The following LRRC53 variants were observed in gnomAD, a reference collection of about 807,000 sequenced individuals.
The protein encoded by LRRC53 is leucine-rich repeat-containing protein 53.
A neutral mutation model predicts 13.6 loss-of-function variants in LRRC53; 25 were observed. The observed-to-expected ratio is 1.83, with a 90% CI of 1.34 to 2.56. The LOEUF is 2.56. Ranked by LOEUF, LRRC53 falls within the 30% of genes most tolerant of loss-of-function variation. LRRC53 has a pLI of 0.00. For synonymous variants in LRRC53, 204 were observed against 109.8 expected, an observed-to-expected ratio of 1.86 and a Z score of -5.37; for missense variants, 527 against 275.8, an observed-to-expected ratio of 1.91 and a Z score of -6.45.
the LRRC53 span, among the ~76,000 whole-genome samples, chr1:74,527,314 A>G: frequency 3.2e-4 from 49 of 152,352 alleles, no homozygotes; most frequent in East Asian, 9.1e-3. Context: ...AAAGATAAAC[A>G]TGAATAAAAT....
chr1:74,485,506 A>G (rs2100276841), intron 1 of LRRC53, among the ~76,000 whole-genome samples: 1 of 152,282 alleles, frequency 6.6e-6, no homozygotes, highest in Non-Finnish European at 1.5e-5. Context: ...GGATTCTAAC[A>G]TGACCTGCAA....
At chr1:74,533,185 C>T in the LRRC53 span, among the ~76,000 whole-genome samples, 3 of 152,276 alleles carry the variant, frequency 2.0e-5, no homozygotes, top group South Asian at 4.1e-4. Context: ...GGGCTAATAT[C>T]CAGAATCTAC....
At chr1:74,489,278 A>G (rs750341131) in intron 1 of LRRC53, 7 of 1,599,866 alleles carry the variant, frequency 4.4e-6, no homozygotes, top group South Asian at 3.4e-5. Context: ...AAATATGTCC[A>G]TAAAAAAGCC....
chr1:74,523,512 T>TA, the LRRC53 span, among the ~76,000 whole-genome samples: 17 of 151,520 alleles, frequency 1.1e-4, no homozygotes, highest in African/African-American at 3.9e-4. Flanking sequence ...GAGACTCACT[T>TA]AAAAAAAAAG....
At chr1:74,519,506 A>T in the LRRC53 span, among the ~76,000 whole-genome samples, 3 of 125,596 alleles carry the variant, frequency 2.4e-5, no homozygotes, top group Non-Finnish European at 4.6e-5. Flanking sequence ...CCAACAGTGT[A>T]AAAGTGTTCC....
the LRRC53 span, among the ~76,000 whole-genome samples, chr1:74,531,215 A>G: frequency 1.3e-5 from 2 of 152,354 alleles, no homozygotes; most frequent in South Asian, 2.1e-4. Context: ...GCACTTGCCC[A>G]TTCTCTGTAA....
chr1:74,495,225 T>C (rs1169462530), intron 1 of LRRC53, among the ~76,000 whole-genome samples: 2 of 152,250 alleles, frequency 1.3e-5, no homozygotes, highest in African/African-American at 4.8e-5. Context: ...GCTGTGAGCG[T>C]GCATTCAAGG....
chr1:74,471,408 G>A lies in LRRC53; in HGVS notation c.2214C>T (p.Leu738=), dbSNP rs1343286233. Residue 738 remains leucine, a synonymous_variant, in exon 5 of 5, where the codon CTC becomes CTT. Transcript: ENST00000294635. ...ACAATACCTGCTTGCATTGCTTTGG[G>A]AGACTTGACAAGGATTTTTCTGGAT... ...RVHPEKSLSS[L]PKQCKQVLLP... 7.5e-6 allele frequency: 3 copies of A among 400,684 alleles called. No homozygotes were observed. The highest frequency in any genetic ancestry group is 8.8e-6 in the Non-Finnish European group (2 of 226,156). The allele number at this position is 400,684 out of a possible 1,614,324, so 24.8% of individuals were successfully genotyped here.
intron 1 of LRRC53, among the ~76,000 whole-genome samples, chr1:74,487,643 A>G (rs1668833251): frequency 6.6e-6 from 1 of 152,188 alleles, no homozygotes; most frequent in Non-Finnish European, 1.5e-5. Flanking sequence ...GTAAAGGGAA[A>G]GTGAGTGACA....
chr1:74,493,744 G>C (rs1159671107), intron 1 of LRRC53, among the ~76,000 whole-genome samples: 1 of 152,140 alleles, frequency 6.6e-6, no homozygotes, highest in Non-Finnish European at 1.5e-5. Context: ...TGTACTACCT[G>C]GGGTATATTC....
Position 74,492,306 on chromosome 1 carries a change from T to C in LRRC53, c.-26-8931A>G, listed in dbSNP as rs201476243. On this transcript the variant is annotated intron_variant, in intron 1 of 4. Coordinates refer to ENST00000294635, the MANE Select transcript of LRRC53 (RefSeq NM_001382280.1). The stretch of plus-strand genomic sequence containing the variant: ...AAGCAAATCTCACAGTAAAGTCTTA[T>C]TTCAGAATCTTATCAAGACAGTCAA... 15 of 1,444,092 alleles carry C rather than the reference T, an allele frequency of 1.0e-5. No individual in the cohort carries two copies. In the African/African-American group the frequency reaches 1.9e-4, roughly 19 times the overall value. The allele number at this position is 1,444,092 out of a possible 1,614,324, so 89.5% of individuals were successfully genotyped here.
rs1376975732 is a variant in LRRC53, at chr1:74,471,723, A to T, written c.1899T>A (p.Tyr633Ter). The change falls in exon 5 of 5, where the codon TAT (tyrosine) becomes TAA (stop). Residue 633 changes from tyrosine (Y) to a stop codon, truncating the protein, a stop_gained. Transcript: ENST00000294635. LOFTEE classifies it low-confidence loss of function (END_TRUNC). ...CATGGAAGATAACCCTCTTTGGGGA[A>T]TATGCTTTCTTGGTTTTTGTTGATA... ...SGLSTKTKKAYSPKRVIFHDP... is the reference protein window; with the variant it reads ...SGLSTKTKKA 1 of 402,816 alleles carries T rather than the reference A, an allele frequency of 2.5e-6. No homozygotes were observed. The highest frequency in any genetic ancestry group is 3.6e-5 in the East Asian group (1 of 28,142). The allele number at this position is 402,816 out of a possible 1,614,324, so 25.0% of individuals were successfully genotyped here.
the LRRC53 span, among the ~76,000 whole-genome samples, chr1:74,527,426 A>G: frequency 1.3e-5 from 2 of 152,242 alleles, no homozygotes; most frequent in African/African-American, 4.8e-5. Context: ...ACAAGATTAG[A>G]TGGAGTGGTA....
Position 74,471,107 on chromosome 1 carries a change from T to C in LRRC53, c.2515A>G (p.Lys839Glu), listed in dbSNP as rs1210810170. 7.5e-6 allele frequency: 3 copies of C among 400,670 alleles called. No homozygotes were observed. The highest frequency in any genetic ancestry group is 1.3e-5 in the Non-Finnish European group (3 of 226,222). 24.8% of individuals were successfully genotyped at this position (400,670 alleles called of 1,614,324 possible). Residue 839 changes from lysine to glutamate, a missense_variant, in exon 5 of 5, where the codon AAA (lysine) becomes GAA (glutamate). Coordinates refer to ENST00000294635, the MANE Select transcript of LRRC53 (RefSeq NM_001382280.1). ...AGHIPDGNTS[K>E]LPQPTPTDAE... ...TCAGTGGGTGTAGGTTGGGGCAATT[T>C]TGATGTGTTTCCATCAGGAATGTGG...
rs76136294 is a variant in LRRC53, at chr1:74,480,525, G to A, written c.532C>T (p.Arg178Trp). ...FISYIGKDAF[R>W]PLPQLQEVDL... ...ACTTCCTGTAGTTGAGGCAGGGGCC[G>A]GAAGGCATCTTTCCCAATGTAGGAA... Residue 178 changes from arginine (R) to tryptophan (W), a missense_variant, in exon 3 of 5, where the codon CGG becomes TGG. Coordinates refer to ENST00000294635, the MANE Select transcript of LRRC53 (RefSeq NM_001382280.1). 1.6e-3 allele frequency: 1,146 copies of A among 717,462 alleles called. 19 individuals are homozygous for A. In the East Asian group the frequency reaches 0.025, roughly 16 times the overall value. 44.4% of individuals were successfully genotyped at this position (717,462 alleles called of 1,614,324 possible).
chr1:74,498,101 A>G (rs1669425911), intron 1 of LRRC53, among the ~76,000 whole-genome samples: 1 of 152,220 alleles, frequency 6.6e-6, no homozygotes, highest in South Asian at 2.1e-4. Flanking sequence ...AATCTCAAAA[A>G]ACAAAAAATT....
intron 1 of LRRC53, among the ~76,000 whole-genome samples, chr1:74,500,461 G>T (rs999614847): frequency 1.3e-5 from 2 of 150,808 alleles, no homozygotes; most frequent in African/African-American, 4.9e-5. Flanking sequence ...AAAATTAGCC[G>T]GGCGTAGTGG....
chr1:74,475,114 GCC>G (rs1553150553), intron 4 of LRRC53, among the ~76,000 whole-genome samples, 179 bp downstream of exon 4: 3 of 72,246 alleles, frequency 4.2e-5, no homozygotes, highest in Non-Finnish European at 8.0e-5. Flanking sequence ...CTCCACCTCA[GCC>G]CACACACACA....
Position 74,469,630 on chromosome 1 carries a change from T to G in LRRC53, c.*248A>C, listed in dbSNP as rs1406881332. 5.9e-6 allele frequency: 2 copies of G among 336,908 alleles called. No individual in the cohort carries two copies. Among genetic ancestry groups the G allele is most frequent in the African/African-American group, 4.2e-5 (2 of 47,336 alleles). 20.9% of individuals were successfully genotyped at this position (336,908 alleles called of 1,614,324 possible). A position where few individuals can be genotyped will look rare whatever the true frequency, so the allele number is the denominator to read the frequency against. ...TTTGCAAGACTTGGCAAAACTTTTCTTACTTGTTTTTTCATTCCTTAGAGA... is the reference window on the plus strand; with the variant it reads ...TTTGCAAGACTTGGCAAAACTTTTCGTACTTGTTTTTTCATTCCTTAGAGA... On this transcript the variant is annotated 3_prime_UTR_variant, in exon 5 of 5. Transcript: ENST00000294635.
Sources: gnomAD v4.1 joint callset for allele counts (sites outside exome capture counted in the v4.1 genomes callset) on GRCh38, gnomAD v4.1.1 for gene constraint, MANE v1.5 for transcripts, NCBI Gene and HGNC (gene_info 2026-07-23, HGNC 2026-07-21) for gene names.